Variants in TSNARE1 observed in about 807,000 individuals in gnomAD.
The protein encoded by TSNARE1 is t-SNARE domain containing 1, also known as t-SNARE domain-containing protein 1.
TSNARE1 carries 49 observed loss-of-function variants against 62.0 expected under a neutral mutation model. That is an observed-to-expected ratio of 0.79 (90% CI 0.63 to 1.00). The LOEUF is 1.00. TSNARE1 is among the 50% of genes least tolerant of loss of function. TSNARE1 has a pLI of 0.00. For synonymous variants in TSNARE1, 328 were observed against 294.4 expected (o/e 1.11, Z -1.17); for missense variants, 755 against 700.1 (o/e 1.08, Z -0.88).
intron 1 of TSNARE1, among the ~76,000 whole-genome samples, chr8:142,360,128 G>A (rs1835041007): frequency 6.6e-6 from 1 of 152,226 alleles, no homozygotes; most frequent in Admixed American, 6.5e-5. Flanking sequence ...GCTGAGTTCA[G>A]GACGCGGTGG....
At chr8:142,380,371 G>A (rs1329297528) in intron 1 of TSNARE1, among the ~76,000 whole-genome samples, 2 of 152,142 alleles carry the variant, frequency 1.3e-5, no homozygotes, top group East Asian at 1.9e-4. Context: ...CAGGGAGGAC[G>A]CAGCTGGGAC....
At chr8:142,314,862 T>C in intron 8 of TSNARE1, 141 bp downstream of exon 8, 1 of 790,374 alleles carries the variant, frequency 1.3e-6, no homozygotes, top group Non-Finnish European at 2.1e-6. Context: ...AGAGACTGTC[T>C]GCAAGAACAA....
intron 12 of TSNARE1, among the ~76,000 whole-genome samples, chr8:142,266,561 C>T (rs4601464): frequency 0.56 from 84,959 of 152,148 alleles, 25,990 homozygotes; most frequent in African/African-American, 0.82. Context: ...TTCTGGCTTC[C>T]TCTGCTGCCA....
intron 12 of TSNARE1, 67 bp downstream of exon 12, chr8:142,274,714 G>GGGAGGGTTGGAGGATAGGGGAC: frequency 7.0e-7 from 1 of 1,423,318 alleles, no homozygotes; most frequent in African/African-American, 1.5e-5. Flanking sequence ...GACAGACGGA[G>GGGAGGGTTGGAGGATAGGGGAC]GGAGGGTTGG....
At chr8:142,241,536 C>T (rs1276085312) in intron 12 of TSNARE1, among the ~76,000 whole-genome samples, 1 of 151,960 alleles carries the variant, frequency 6.6e-6, no homozygotes, top group African/African-American at 2.4e-5. Context: ...CACAAAAGAC[C>T]TCAAATAACC....
chr8:142,262,999 C>T lies in TSNARE1; in HGVS notation c.1446+11782G>A, dbSNP rs955236353. Among the ~76,000 whole-genome samples, 3 of 152,296 alleles carry T rather than the reference C, an allele frequency of 2.0e-5. No individual in the cohort carries two copies. The East Asian group carries it at 5.8e-4, about 29-fold the overall frequency. ...AATTCTACTAATTTGTCCAGGAGTT[C>T]TTTTTATGAATAAAGACAGTTGTGT... is the stretch of plus-strand genomic sequence containing the variant. On this transcript the variant is annotated intron_variant, in intron 12 of 13. Transcript: ENST00000524325.
At chr8:142,250,168 A>C (rs1328284177) in intron 12 of TSNARE1, among the ~76,000 whole-genome samples, 1 of 152,158 alleles carries the variant, frequency 6.6e-6, no homozygotes, top group Non-Finnish European at 1.5e-5. Flanking sequence ...AATGAAATCC[A>C]CATGGCAGCC....
chr8:142,270,806 T>C, intron 12 of TSNARE1: 2 of 985,374 alleles, frequency 2.0e-6, no homozygotes, highest in Non-Finnish European at 2.4e-6. Context: ...GGTTGGAGCC[T>C]CCAACAGCAT....
At chr8:142,363,407 G>A (rs530896651) in intron 1 of TSNARE1, among the ~76,000 whole-genome samples, 2 of 152,244 alleles carry the variant, frequency 1.3e-5, no homozygotes, top group Admixed American at 6.5e-5. Flanking sequence ...AGAGATGTGG[G>A]TTAAAGCCCC....
At chr8:142,339,192 C>T (rs1832186807) in intron 4 of TSNARE1, among the ~76,000 whole-genome samples, 1 of 152,130 alleles carries the variant, frequency 6.6e-6, no homozygotes, top group Non-Finnish European at 1.5e-5. Context: ...CGGAGTACCC[C>T]AAAACCTTAG....
At chr8:142,312,993 T>C (rs1358495728) in intron 9 of TSNARE1, among the ~76,000 whole-genome samples, 2 of 152,238 alleles carry the variant, frequency 1.3e-5, no homozygotes, top group Non-Finnish European at 2.9e-5. Flanking sequence ...TGTGTCTGCA[T>C]GTCTGCATCT....
chr8:142,342,590 C>T (rs1235912648), intron 4 of TSNARE1, among the ~76,000 whole-genome samples: 2 of 152,222 alleles, frequency 1.3e-5, no homozygotes, highest in African/African-American at 4.8e-5. Flanking sequence ...AACCAGGCTG[C>T]CGCCCTCCTC....
chr8:142,382,302 T>A (rs1057052795), intron 1 of TSNARE1, among the ~76,000 whole-genome samples: 1 of 152,098 alleles, frequency 6.6e-6, no homozygotes, highest in African/African-American at 2.4e-5. Flanking sequence ...ACGCCCAGAA[T>A]CAGCGGTGGA....
At chr8:142,378,173 A>G (rs1409413096) in intron 1 of TSNARE1, among the ~76,000 whole-genome samples, 1 of 152,256 alleles carries the variant, frequency 6.6e-6, no homozygotes, top group East Asian at 1.9e-4. Flanking sequence ...CCCAGGACAC[A>G]GGACAAACCC....
intron 12 of TSNARE1, among the ~76,000 whole-genome samples, chr8:142,241,224 C>T (rs886347981): frequency 3.3e-5 from 5 of 152,130 alleles, no homozygotes; most frequent in African/African-American, 1.2e-4. Flanking sequence ...TATACACTAA[C>T]AATGAACTAT....
At chr8:142,367,985 C>A (rs1835674248) in intron 1 of TSNARE1, among the ~76,000 whole-genome samples, 1 of 151,992 alleles carries the variant, frequency 6.6e-6, no homozygotes, top group South Asian at 2.1e-4. Flanking sequence ...AAAGTATGTG[C>A]AGAAAAAATG....
At chr8:142,278,364 C>T in intron 11 of TSNARE1, 1 of 985,462 alleles carries the variant, frequency 1.0e-6, no homozygotes, top group Non-Finnish European at 1.2e-6. Flanking sequence ...AGGCCAGCCC[C>T]TGCCTGTCCT....
At chr8:142,379,201 G>A (rs1157777995) in intron 1 of TSNARE1, among the ~76,000 whole-genome samples, 2 of 152,218 alleles carry the variant, frequency 1.3e-5, no homozygotes, top group African/African-American at 4.8e-5. Context: ...CATCTGTATA[G>A]TGGGCATGCC....
intron 10 of TSNARE1, among the ~76,000 whole-genome samples, chr8:142,290,811 C>T (rs973183781): frequency 2.5e-4 from 38 of 152,236 alleles, no homozygotes; most frequent in Non-Finnish European, 4.4e-5. Context: ...CCTCCGCCCT[C>T]CCGGGCCTGC....
Sources: allele counts gnomAD v4.1 joint callset (sites outside exome capture counted in the v4.1 genomes callset), GRCh38; gene constraint gnomAD v4.1.1; transcripts MANE v1.5; gene names NCBI Gene and HGNC (gene_info 2026-07-23, HGNC 2026-07-21).